Variants in PPP2R2C observed in about 807,000 individuals in gnomAD.
The protein encoded by PPP2R2C is protein phosphatase 2, regulatory subunit B, gamma.
A neutral mutation model predicts 45.3 loss-of-function variants in PPP2R2C; 10 were observed. That is an observed-to-expected ratio of 0.22 (90% confidence interval 0.14 to 0.37). The LOEUF (loss-of-function observed/expected upper bound fraction) is 0.37, where lower values mean the gene tolerates loss of function less well. PPP2R2C is among the 10% of genes least tolerant of loss of function. PPP2R2C has a pLI of 1.00. For synonymous variants in PPP2R2C, 257 were observed against 245.4 expected (o/e 1.05, Z -0.44); for missense variants, 308 against 619.7 (o/e 0.50, Z 5.34).
At chr4:6,534,849 G>A (rs924373556) in intron 2 of PPP2R2C, among the ~76,000 whole-genome samples, 4 of 152,234 alleles carry the variant, frequency 2.6e-5, no homozygotes, top group Non-Finnish European at 5.9e-5. Context: ...CGCTCAGTGT[G>A]AGCCTCAGGA....
chr4:6,403,274 G>A (rs1012793412), intron 1 of PPP2R2C, among the ~76,000 whole-genome samples: 9 of 152,204 alleles, frequency 5.9e-5, no homozygotes, highest in East Asian at 3.8e-4. Flanking sequence ...CTCAGAGGTC[G>A]GAGCCTCAGA....
intron 2 of PPP2R2C, among the ~76,000 whole-genome samples, chr4:6,519,068 G>C (rs1723928548): frequency 6.6e-6 from 1 of 151,632 alleles, no homozygotes; most frequent in African/African-American, 2.4e-5. Flanking sequence ...ATTTAAGGAA[G>C]AAATTATAGC....
At chr4:6,349,589 C>A in intron 5 of PPP2R2C, 1 of 985,346 alleles carries the variant, frequency 1.0e-6, no homozygotes, top group Non-Finnish European at 1.2e-6. Flanking sequence ...ATTTGTAATC[C>A]CAGCACTTTG....
At chr4:6,550,948 A>G (rs1560617780) in intron 1 of PPP2R2C, among the ~76,000 whole-genome samples, 1 of 152,224 alleles carries the variant, frequency 6.6e-6, no homozygotes, top group Non-Finnish European at 1.5e-5. Flanking sequence ...GCCCAGCTAG[A>G]GCAACACTTT....
At chr4:6,367,017 A>G (rs1285698098) in intron 5 of PPP2R2C, among the ~76,000 whole-genome samples, 3 of 151,252 alleles carry the variant, frequency 2.0e-5, no homozygotes, top group Non-Finnish European at 4.4e-5. Flanking sequence ...GGGAGAGTAG[A>G]GAGGGCTGGG....
chr4:6,401,918 A>G (rs1034524692), intron 1 of PPP2R2C, among the ~76,000 whole-genome samples: 1 of 152,126 alleles, frequency 6.6e-6, no homozygotes, highest in Non-Finnish European at 1.5e-5. Flanking sequence ...AGTGGAGTCA[A>G]TGGCACTAAT....
intron 2 of PPP2R2C, among the ~76,000 whole-genome samples, chr4:6,497,961 G>T (rs539224826): frequency 1.3e-5 from 2 of 152,226 alleles, no homozygotes; most frequent in African/African-American, 4.8e-5. Context: ...AAAAGCCTGC[G>T]AATGTGGAGA....
At chr4:6,382,859 C>T in intron 1 of PPP2R2C, 2 of 1,120,062 alleles carry the variant, frequency 1.8e-6, no homozygotes, top group Non-Finnish European at 2.2e-6. Flanking sequence ...AGGCTGGTAA[C>T]ACCCAGGACT....
rs918855969 is a variant in PPP2R2C at position 6,328,224 on chromosome 4, G to A, written c.1052+1038C>T. ...TGCCCACCACACTGGACAGGACTGC[G>A]GGGAGGAGGTGACAGTACATGGGCT... On this transcript the variant is annotated intron_variant, in intron 8 of 8. Coordinates refer to ENST00000382599, the MANE Select transcript of PPP2R2C (RefSeq NM_020416.4). The surrounding 1 kb of genome is among the most constrained non-coding windows in gnomAD (Gnocchi z 4.4). Among the ~76,000 whole-genome samples, 2 of 152,198 alleles carry A rather than the reference G, an allele frequency of 1.3e-5. No homozygotes were observed. Among genetic ancestry groups the A allele is most frequent in the South Asian group, 2.1e-4 (1 of 4,828 alleles).
At chr4:6,542,089 G>T (rs1428380371) in intron 1 of PPP2R2C, among the ~76,000 whole-genome samples, 1 of 152,188 alleles carries the variant, frequency 6.6e-6, no homozygotes, top group Non-Finnish European at 1.5e-5. Context: ...CTCCAAAAGG[G>T]ACAGTGACAT....
At chr4:6,536,190 G>A (rs866623056) in intron 1 of PPP2R2C, among the ~76,000 whole-genome samples, 4 of 152,296 alleles carry the variant, frequency 2.6e-5, no homozygotes, top group South Asian at 2.1e-4. Context: ...CTATAAACCC[G>A]GGATTATGGA....
intron 2 of PPP2R2C, among the ~76,000 whole-genome samples, chr4:6,517,079 C>T (rs992362575): frequency 8.5e-5 from 13 of 152,166 alleles, no homozygotes; most frequent in Non-Finnish European, 1.6e-4. Flanking sequence ...AGTGGCTTTC[C>T]CCTTCACCAG....
intron 2 of PPP2R2C, among the ~76,000 whole-genome samples, chr4:6,512,516 T>C (rs1723671839): frequency 7.8e-6 from 1 of 128,448 alleles, no homozygotes; most frequent in African/African-American, 2.9e-5. Context: ...GTGATGTTGG[T>C]GGTGGTGGTG....
chr4:6,554,889 AG>A, intron 1 of PPP2R2C, among the ~76,000 whole-genome samples: 2 of 64,824 alleles, frequency 3.1e-5, no homozygotes, highest in Admixed American at 2.3e-4. Flanking sequence ...AGAAAAAGAA[AG>A]GAAGGAAGGA....
intron 6 of PPP2R2C, among the ~76,000 whole-genome samples, chr4:6,335,069 TCA>T (rs1732739440): frequency 6.6e-6 from 1 of 152,204 alleles, no homozygotes; most frequent in Non-Finnish European, 1.5e-5. Context: ...CCTGATGGAC[TCA>T]TTCATTCATT....
intron 1 of PPP2R2C, chr4:6,535,430 G>T: frequency 8.2e-7 from 1 of 1,218,538 alleles, no homozygotes; most frequent in Non-Finnish European, 1.1e-6. Context: ...CTTGGTGCAT[G>T]CACGCCGCCA....
chr4:6,455,405 G>A (rs4689450), intron 1 of PPP2R2C, among the ~76,000 whole-genome samples: 147,083 of 152,212 alleles, frequency 0.97, 71,252 homozygotes, highest in Middle Eastern at 1. Flanking sequence ...AGCTCTCTCT[G>A]TCCTCCACCT....
chr4:6,489,952 CT>C (rs1471901184), intron 2 of PPP2R2C, among the ~76,000 whole-genome samples: 1 of 152,204 alleles, frequency 6.6e-6, no homozygotes, highest in Non-Finnish European at 1.5e-5. Context: ...AATCCCTCCC[CT>C]AGGCCAGCCT....
chr4:6,376,352 C>A (rs935973482), intron 3 of PPP2R2C, among the ~76,000 whole-genome samples: 1 of 152,084 alleles, frequency 6.6e-6, no homozygotes, highest in African/African-American at 2.4e-5. Context: ...AGAGTGAAGC[C>A]AGGATTCAAA....
Sources: allele counts gnomAD v4.1 joint callset (sites outside exome capture counted in the v4.1 genomes callset), GRCh38; gene constraint gnomAD v4.1.1; non-coding constraint Gnocchi (gnomAD v3.1); transcripts MANE v1.5; gene names NCBI Gene and HGNC (gene_info 2026-07-23, HGNC 2026-07-21).